Variants in CDH23 observed in about 807,000 individuals in gnomAD.
CDH23 encodes cadherin-23.
A neutral mutation model predicts 317.1 loss-of-function variants in CDH23; 189 were observed. The ratio of observed to expected loss-of-function variants is 0.60; its 90% CI spans 0.53 to 0.67. The LOEUF (loss-of-function observed/expected upper bound fraction) is 0.67, where lower values mean the gene tolerates loss of function less well. CDH23 is among the 30% of genes least tolerant of loss of function. The pLI is 0.00. For missense variants in CDH23, 4,401 were observed against 4,592.4 expected (o/e 0.96, Z 1.20); for synonymous variants, 1,839 against 1,876.8 (o/e 0.98, Z 0.52).
chr10:71,712,580 C>T (rs541674784), intron 27 of CDH23, 85 bp from the exon 28 acceptor site: 87 of 1,506,790 alleles, frequency 5.8e-5, no homozygotes, highest in Admixed American at 1.1e-4. Flanking sequence ...CCTCTCTGGC[C>T]GGTGCCCGGG....
intron 6 of CDH23, among the ~76,000 whole-genome samples, chr10:71,525,383 C>T (rs948540531): frequency 6.6e-6 from 1 of 152,192 alleles, no homozygotes; most frequent in African/African-American, 2.4e-5. Context: ...TTCTAAAGTG[C>T]ACCCCTGAAG....
intron 9 of CDH23, among the ~76,000 whole-genome samples, chr10:71,611,406 G>T (rs1467905579): frequency 6.6e-6 from 1 of 152,210 alleles, no homozygotes; most frequent in Non-Finnish European, 1.5e-5. Context: ...CCTGGCAAAA[G>T]TGTGGGGTTG....
rs113794781 is a variant in CDH23 at position 71,419,984 on chromosome 10, G to A, written c.-5-19843G>A. Among the ~76,000 whole-genome samples the A allele has an allele frequency of 1.4e-4, 21 of 152,210 alleles. No homozygotes were observed. In the South Asian group the frequency reaches 2.7e-3, roughly 20 times the overall value. On this transcript the variant is annotated intron_variant, in intron 1 of 69. Transcript: ENST00000224721. ...AGGCTGTAGGGATGGAGTCTGTCCC[G>A]GCTACTGCTGGATGCCTTGCACTCA...
chr10:71,798,462 C>A lies in CDH23; in HGVS notation c.6938C>A (p.Thr2313Asn), dbSNP rs1841464553. The change falls in exon 50 of 70, where the codon ACC becomes AAC. Residue 2313 changes from threonine to asparagine, a missense_variant. Thr to Asn is a moderately conservative substitution (Grantham distance 65). Coordinates refer to ENST00000224721, the MANE Select transcript of CDH23 (RefSeq NM_022124.6). The part of the protein sequence containing the change: ...ERILEGATPG[T>N]TLIAVAAVDP... ...ATCCTGGAGGGGGCCACCCCTGGGA[C>A]CACACTCATTGCTGTGGCAGCCGTG... 2 of 1,613,954 alleles carry A rather than the reference C, an allele frequency of 1.2e-6. No individual in the cohort carries two copies. Among genetic ancestry groups the A allele is most frequent in the Non-Finnish European group, 1.7e-6 (2 of 1,179,850 alleles).
In CDH23 at chr10:71,549,992, G is replaced by A. The variant is rs754424999; in HGVS notation, c.430-16750G>A. On this transcript the variant is annotated intron_variant, in intron 6 of 69. Transcript: ENST00000224721. ...GGTTTATCTAGCTATCCCTGCCTCCGCCAGGATATTAACGGGCTTCCCGCA... is the reference window on the plus strand; with the variant it reads ...GGTTTATCTAGCTATCCCTGCCTCCACCAGGATATTAACGGGCTTCCCGCA... 3.0e-4 allele frequency among the ~76,000 whole-genome samples: 46 copies of A among 152,204 alleles called. No homozygotes were observed. In the Middle Eastern group the frequency reaches 0.01, roughly 34 times the overall value.
At chr10:71,695,220 G>GA (rs2132716307) in intron 21 of CDH23, among the ~76,000 whole-genome samples, 198 bp from the exon 22 acceptor site, 1 of 152,344 alleles carries the variant, frequency 6.6e-6, no homozygotes, top group East Asian at 1.9e-4. Flanking sequence ...GACAACACTG[G>GA]AACTCTCTCT....
chr10:71,794,995 C>T (rs1041715568), intron 48 of CDH23, among the ~76,000 whole-genome samples: 3 of 152,126 alleles, frequency 2.0e-5, no homozygotes, highest in Non-Finnish European at 2.9e-5. Context: ...AAATTAGACA[C>T]ACACAGAGCA....
chr10:71,609,261 C>G (rs147790462), intron 9 of CDH23, among the ~76,000 whole-genome samples: 69 of 152,122 alleles, frequency 4.5e-4, no homozygotes, highest in African/African-American at 1.6e-3. Context: ...CCTTCTACCC[C>G]CTGCTGCAGC....
rs747586001 is a variant in CDH23 at position 71,807,878 on chromosome 10, T to A, written c.8593T>A (p.Leu2865Met). The A allele has an allele frequency of 5.0e-6, 8 of 1,604,102 alleles. No individual in the cohort carries two copies. Among genetic ancestry groups the A allele is most frequent in the Non-Finnish European group, 6.8e-6 (8 of 1,175,340 alleles). The change falls in exon 60 of 70, where the codon TTG (leucine) becomes ATG (methionine). Residue 2865 changes from leucine to methionine, a missense_variant. Physicochemically the swap from Leu to Met is conservative, Grantham distance 15 (BLOSUM62 2). Transcript: ENST00000224721. ...CACCGACGCCAAGGTGGGCTCAGAG[T>A]TGATCCAGGTGCTGGCCCTGGATGC... ...VATDAKVGSELIQVLALDADI... is the reference protein window; with the variant it reads ...VATDAKVGSEMIQVLALDADI...
chr10:71,584,049 G>T (rs561104106), intron 9 of CDH23, among the ~76,000 whole-genome samples: 1 of 152,268 alleles, frequency 6.6e-6, no homozygotes, highest in Non-Finnish European at 1.5e-5. Context: ...CTGTGGGTGC[G>T]CCCGGGCAAC....
chr10:71,431,010 G>T (rs1376408383), intron 1 of CDH23, among the ~76,000 whole-genome samples: 1 of 152,192 alleles, frequency 6.6e-6, no homozygotes, highest in Non-Finnish European at 1.5e-5. Flanking sequence ...TTTAAAGAGA[G>T]GGAGGGGCCC....
chr10:71,605,252 TAAA>T (rs1554844653), intron 9 of CDH23, among the ~76,000 whole-genome samples: 32 of 146,698 alleles, frequency 2.2e-4, no homozygotes, highest in African/African-American at 7.7e-4. Context: ...CTTTTTTTTT[TAAA>T]AAAAAAAAGA....
At chr10:71,529,747 G>A (rs1855251915) in intron 6 of CDH23, among the ~76,000 whole-genome samples, 2 of 152,052 alleles carry the variant, frequency 1.3e-5, no homozygotes, top group Non-Finnish European at 2.9e-5. Context: ...AGCTCCACCT[G>A]GCTGGGTGGC....
At chr10:71,741,474 T>C (rs1348773921) in intron 37 of CDH23, among the ~76,000 whole-genome samples, 1 of 152,114 alleles carries the variant, frequency 6.6e-6, no homozygotes, top group Non-Finnish European at 1.5e-5. Flanking sequence ...ACTCACAGAG[T>C]TGGAGAGAGG....
At chr10:71,546,149 G>A (rs1045191109) in intron 6 of CDH23, among the ~76,000 whole-genome samples, 4 of 152,066 alleles carry the variant, frequency 2.6e-5, no homozygotes, top group Admixed American at 1.3e-4. Flanking sequence ...ATCCCCTCTC[G>A]GTGTCTTGTC....
intron 28 of CDH23, among the ~76,000 whole-genome samples, chr10:71,718,242 G>T (rs921397094): frequency 1.3e-5 from 2 of 152,200 alleles, no homozygotes; most frequent in African/African-American, 4.8e-5. Context: ...GGGCCACCTA[G>T]TTCCCCACCC....
intron 38 of CDH23, chr10:71,755,305 C>T: frequency 6.7e-7 from 1 of 1,483,736 alleles, no homozygotes; most frequent in Admixed American, 1.9e-5. Context: ...GAACTGGGGG[C>T]TGGAGCAGGT....
At chr10:71,486,320 G>T (rs1852344638) in intron 3 of CDH23, among the ~76,000 whole-genome samples, 1 of 152,180 alleles carries the variant, frequency 6.6e-6, no homozygotes, top group Non-Finnish European at 1.5e-5. Context: ...ACAGAGGAAA[G>T]GGAGGCAGAA....
intron 44 of CDH23, among the ~76,000 whole-genome samples, chr10:71,787,763 C>T (rs1265781267): frequency 6.6e-6 from 1 of 152,110 alleles, no homozygotes; most frequent in African/African-American, 2.4e-5. Context: ...GTCTATATAC[C>T]ACATTTTCTT....
Sources: gnomAD v4.1 joint callset for allele counts (sites outside exome capture counted in the v4.1 genomes callset) on GRCh38, gnomAD v4.1.1 for gene constraint, MANE v1.5 for transcripts, NCBI Gene and HGNC (gene_info 2026-07-23, HGNC 2026-07-21) for gene names.